The following PIK3C2G variants were observed in gnomAD, a reference collection of about 807,000 sequenced individuals.
PIK3C2G encodes phosphatidylinositol 3-kinase C2 domain-containing subunit gamma.
Under a neutral mutation model 181.1 loss-of-function variants are expected in PIK3C2G, and 168 were observed. The ratio of observed to expected loss-of-function variants is 0.93; its 90% CI spans 0.82 to 1.05. PIK3C2G has a LOEUF of 1.05. Among genes scored for constraint, PIK3C2G ranks in the 50% least tolerant of loss-of-function variants. PIK3C2G has a pLI of 0.00. For synonymous variants in PIK3C2G, 573 were observed against 592.2 expected (o/e 0.97, Z 0.47); for missense variants, 1,869 against 1,732.8 (o/e 1.08, Z -1.40).
At chr12:18,350,502 C>A (rs1940123346) in intron 11 of PIK3C2G, among the ~76,000 whole-genome samples, 1 of 152,114 alleles carries the variant, frequency 6.6e-6, no homozygotes, top group Non-Finnish European at 1.5e-5. Flanking sequence ...TCTTTCTCAT[C>A]AAGACGATGC....
upstream of PIK3C2G, among the ~76,000 whole-genome samples, chr12:18,245,579 C>T (rs1948031395): frequency 6.6e-6 from 1 of 152,020 alleles, no homozygotes; most frequent in African/African-American, 2.4e-5. Flanking sequence ...TTAAATTACA[C>T]ATTTTATTAA....
the PIK3C2G span, chr12:18,683,352 C>A: frequency 1.2e-6 from 2 of 1,600,016 alleles, no homozygotes; most frequent in African/African-American, 2.7e-5. Context: ...TCTAATTAGA[C>A]CAATAACCAA....
chr12:18,583,217 C>G (rs1285044565), intron 29 of PIK3C2G, among the ~76,000 whole-genome samples: 1 of 152,168 alleles, frequency 6.6e-6, no homozygotes, highest in Non-Finnish European at 1.5e-5. Flanking sequence ...ACAGAGCTCC[C>G]AGAGAGAAGG....
At chr12:18,419,862 G>C (rs138206048) in intron 16 of PIK3C2G, among the ~76,000 whole-genome samples, 16 of 152,068 alleles carry the variant, frequency 1.1e-4, no homozygotes, top group African/African-American at 3.9e-4. Context: ...TACTTGACTC[G>C]ATGGCGGCAT....
At chr12:18,561,783 A>G (rs1240611968) in intron 26 of PIK3C2G, among the ~76,000 whole-genome samples, 1 of 152,068 alleles carries the variant, frequency 6.6e-6, no homozygotes, top group South Asian at 2.1e-4. Flanking sequence ...GACAACAAAA[A>G]TAAAAACACC....
chr12:18,589,746 A>G (rs1296797523), intron 29 of PIK3C2G, among the ~76,000 whole-genome samples: 1 of 151,990 alleles, frequency 6.6e-6, no homozygotes, highest in Non-Finnish European at 1.5e-5. Flanking sequence ...TTAGCACATA[A>G]GGAATTTTGC....
At chr12:18,520,183 T>A (rs564064869) in intron 24 of PIK3C2G, among the ~76,000 whole-genome samples, 1 of 152,004 alleles carries the variant, frequency 6.6e-6, no homozygotes, top group African/African-American at 2.4e-5. Context: ...GAGAATCTGA[T>A]GATTATGTGT....
At chr12:18,297,573 A>G (rs1949995113) in intron 5 of PIK3C2G, among the ~76,000 whole-genome samples, 1 of 151,986 alleles carries the variant, frequency 6.6e-6, no homozygotes, top group Non-Finnish European at 1.5e-5. Flanking sequence ...TTTTGAATAT[A>G]CAATAAATTG....
upstream of PIK3C2G, among the ~76,000 whole-genome samples, chr12:18,247,271 T>A (rs907884903): frequency 6.6e-6 from 1 of 152,158 alleles, no homozygotes; most frequent in Non-Finnish European, 1.5e-5. Context: ...TGTGTGGACA[T>A]CTCTACTTTG....
chr12:18,563,035 A>G, intron 27 of PIK3C2G, 143 bp downstream of exon 27: 1 of 650,520 alleles, frequency 1.5e-6, no homozygotes, highest in South Asian at 2.0e-5. Context: ...CAGAAGTGTC[A>G]TTAAGAGGAT....
upstream of PIK3C2G, among the ~76,000 whole-genome samples, chr12:18,260,075 T>C (rs947788393): frequency 5.9e-5 from 9 of 152,126 alleles, no homozygotes; most frequent in Admixed American, 5.2e-4. Context: ...TGTTAATGAA[T>C]AATGACTATC....
intron 18 of PIK3C2G, among the ~76,000 whole-genome samples, chr12:18,428,462 A>G (rs1945963936): frequency 6.6e-6 from 1 of 152,102 alleles, no homozygotes; most frequent in Non-Finnish European, 1.5e-5. Flanking sequence ...TTGCTCACAC[A>G]GGTCTTGAGG....
At chr12:18,723,373 G>C in the PIK3C2G span, 1 of 1,612,884 alleles carries the variant, frequency 6.2e-7, no homozygotes, top group Non-Finnish European at 8.5e-7. Flanking sequence ...CATCTCAGCT[G>C]CATATTGTTC....
rs181339628 is a variant in PIK3C2G, at chr12:18,575,716, C to T, written c.4011+8659C>T. 5.4e-3 allele frequency among the ~76,000 whole-genome samples: 827 copies of T among 152,206 alleles called. 7 individuals carry two copies. Among genetic ancestry groups the T allele is most frequent in the Admixed American group, 5.9e-3 (90 of 15,294 alleles). ...CAAGTAGCAGTTGGTAACTGGAAAT[C>T]GGGAAAAGTCGTGCTAGGCAAAGAG... On this transcript the variant is annotated intron_variant, in intron 29 of 32. Coordinates refer to ENST00000538779, the MANE Select transcript of PIK3C2G (RefSeq NM_001288772.2).
At position 18,596,883 on chromosome 12, in the gene PIK3C2G, C is replaced by A. The variant is rs1036427057; in HGVS notation, c.4087+2314C>A. Reference sequence around the variant, plus strand: ...ATTAAAATGTTAATGATGTGAAAGGCCAAGCAGTGTAAGAATAGAACTATT... The same window carrying A: ...ATTAAAATGTTAATGATGTGAAAGGACAAGCAGTGTAAGAATAGAACTATT... On this transcript the variant is annotated intron_variant, in intron 30 of 32. Coordinates refer to ENST00000538779, the MANE Select transcript of PIK3C2G (RefSeq NM_001288772.2). Among the ~76,000 whole-genome samples, 3 of 151,830 alleles carry A rather than the reference C, an allele frequency of 2.0e-5. No individual in the cohort carries two copies. In the East Asian group the frequency reaches 5.8e-4, roughly 29 times the overall value.
At chr12:18,699,334 T>TA in the PIK3C2G span, among the ~76,000 whole-genome samples, 1 of 152,198 alleles carries the variant, frequency 6.6e-6, no homozygotes, top group African/African-American at 2.4e-5. Flanking sequence ...AAATCTTTAT[T>TA]ACCGCCTTCC....
At chr12:18,261,294 G>A (rs956649010), upstream of PIK3C2G, among the ~76,000 whole-genome samples, 2 of 152,066 alleles carry the variant, frequency 1.3e-5, no homozygotes, top group African/African-American at 2.4e-5. Flanking sequence ...TCTTTGGCCC[G>A]AATTCTGTTT....
chr12:18,481,974 A>C (rs1465221397), intron 18 of PIK3C2G, among the ~76,000 whole-genome samples: 2 of 152,200 alleles, frequency 1.3e-5, no homozygotes, highest in African/African-American at 4.8e-5. Context: ...AGTAGGTCTC[A>C]AAACTTTTAA....
chr12:18,662,714 A>G, the PIK3C2G span, among the ~76,000 whole-genome samples: 1,167 of 152,244 alleles, frequency 7.7e-3, 12 homozygotes, highest in African/African-American at 0.025. Flanking sequence ...TAACTGAAAA[A>G]TGAGGTCTAG....
Sources: gnomAD v4.1 joint callset for allele counts (sites outside exome capture counted in the v4.1 genomes callset) on GRCh38, gnomAD v4.1.1 for gene constraint, MANE v1.5 for transcripts, NCBI Gene and HGNC (gene_info 2026-07-23, HGNC 2026-07-21) for gene names.